Variants in ENTREP2 observed in about 807,000 individuals in gnomAD.
ENTREP2 encodes protein ENTREP2.
At chr15:29,616,822 C>T in the ENTREP2 span, among the ~76,000 whole-genome samples, 1 of 152,136 alleles carries the variant, frequency 6.6e-6, no homozygotes, top group Non-Finnish European at 1.5e-5. Flanking sequence ...CACCTGTAAA[C>T]CCAGCACTTT....
At chr15:29,406,829 TCTC>T in the ENTREP2 span, among the ~76,000 whole-genome samples, 1 of 152,066 alleles carries the variant, frequency 6.6e-6, no homozygotes, top group Non-Finnish European at 1.5e-5. Flanking sequence ...TCGCTCTCCC[TCTC>T]CTCCTCACTT....
At chr15:29,155,097 A>G in the ENTREP2 span, among the ~76,000 whole-genome samples, 1 of 150,106 alleles carries the variant, frequency 6.7e-6, no homozygotes, top group Non-Finnish European at 1.5e-5. Flanking sequence ...CCTGGCTAAC[A>G]CGGTGAAACC....
the ENTREP2 span, among the ~76,000 whole-genome samples, chr15:29,548,096 G>C: frequency 6.6e-6 from 1 of 152,078 alleles, no homozygotes; most frequent in East Asian, 1.9e-4. Flanking sequence ...TTCTCAAGAT[G>C]AAAAAGTTCT....
At chr15:29,656,594 G>A in the ENTREP2 span, among the ~76,000 whole-genome samples, 1 of 152,178 alleles carries the variant, frequency 6.6e-6, no homozygotes, top group African/African-American at 2.4e-5. Flanking sequence ...CAAATGGAAA[G>A]ATGCTCAACA....
the ENTREP2 span, among the ~76,000 whole-genome samples, chr15:29,505,379 T>G: frequency 1.3e-5 from 2 of 152,180 alleles, no homozygotes; most frequent in East Asian, 3.9e-4. This position sits in a 1 kb window ranked among gnomAD's most constrained non-coding sequence, Gnocchi z 4.3. Context: ...CAGCAGTGGA[T>G]CTCTCAGCAC....
At chr15:29,603,212 T>C in the ENTREP2 span, among the ~76,000 whole-genome samples, 1 of 152,058 alleles carries the variant, frequency 6.6e-6, no homozygotes, top group African/African-American at 2.4e-5. Context: ...GCAAGGGAGA[T>C]GGGAACAAAG....
chr15:29,159,973 G>A, the ENTREP2 span, among the ~76,000 whole-genome samples: 1 of 152,268 alleles, frequency 6.6e-6, no homozygotes, highest in Admixed American at 6.5e-5. Context: ...TGGAGCAGGA[G>A]GCGGCGCTCG....
chr15:29,428,339 G>A, the ENTREP2 span, among the ~76,000 whole-genome samples: 4 of 152,016 alleles, frequency 2.6e-5, no homozygotes, highest in South Asian at 2.1e-4. Context: ...TCAGCCTCCC[G>A]AGTAGCTGTT....
At chr15:29,646,568 T>C in the ENTREP2 span, among the ~76,000 whole-genome samples, 8 of 152,160 alleles carry the variant, frequency 5.3e-5, no homozygotes, top group African/African-American at 1.7e-4. Flanking sequence ...TCTTCTCCCA[T>C]CAGCTGGGGA....
the ENTREP2 span, among the ~76,000 whole-genome samples, chr15:29,450,701 CACTG>C: frequency 6.6e-6 from 1 of 152,166 alleles, no homozygotes; most frequent in African/African-American, 2.4e-5. Flanking sequence ...ATAGCAAAGA[CACTG>C]AATCAACCTA....
the ENTREP2 span, among the ~76,000 whole-genome samples, chr15:29,345,103 A>G: frequency 6.6e-6 from 1 of 152,120 alleles, no homozygotes; most frequent in Non-Finnish European, 1.5e-5. Context: ...TCCGAACGCA[A>G]TGATGACCAC....
chr15:29,427,281 C>T, the ENTREP2 span, among the ~76,000 whole-genome samples: 3 of 152,232 alleles, frequency 2.0e-5, no homozygotes, highest in South Asian at 2.1e-4. Flanking sequence ...ACTGTTCATA[C>T]GAATCATGGA....
the ENTREP2 span, among the ~76,000 whole-genome samples, chr15:29,367,712 G>A: frequency 6.6e-6 from 1 of 152,144 alleles, no homozygotes; most frequent in African/African-American, 2.4e-5. Context: ...GAGTCACACA[G>A]ACCCCCTTGT....
the ENTREP2 span, among the ~76,000 whole-genome samples, chr15:29,465,728 G>A: frequency 3.3e-5 from 5 of 152,074 alleles, no homozygotes; most frequent in Admixed American, 2.6e-4. Context: ...TAGTTCTTTG[G>A]GATGACAGTT....
chr15:29,492,728 G>A, the ENTREP2 span, among the ~76,000 whole-genome samples: 2 of 152,152 alleles, frequency 1.3e-5, no homozygotes, highest in African/African-American at 4.8e-5. Flanking sequence ...TTGAGGCTGG[G>A]CACGGTGGCT....
the ENTREP2 span, chr15:29,269,790 T>C: frequency 2.9e-5 from 37 of 1,273,154 alleles, no homozygotes; most frequent in Non-Finnish European, 3.8e-5. Flanking sequence ...CTAACGCCGG[T>C]GCCTGGAGGC....
At chr15:29,447,988 C>T in the ENTREP2 span, among the ~76,000 whole-genome samples, 1 of 152,032 alleles carries the variant, frequency 6.6e-6, no homozygotes, top group Non-Finnish European at 1.5e-5. Flanking sequence ...ATCACTTGAA[C>T]CCGGGACGTG....
At chr15:29,440,945 T>C in the ENTREP2 span, among the ~76,000 whole-genome samples, 1 of 152,116 alleles carries the variant, frequency 6.6e-6, no homozygotes, top group African/African-American at 2.4e-5. Flanking sequence ...AGAATGACCA[T>C]ATGATCCAGC....
chr15:29,666,394 C>A, the ENTREP2 span, among the ~76,000 whole-genome samples: 3 of 151,896 alleles, frequency 2.0e-5, no homozygotes, highest in Non-Finnish European at 4.4e-5. Context: ...CCAAATCCAC[C>A]CTCATTACAC....
Sources: gnomAD v4.1 joint callset for allele counts (sites outside exome capture counted in the v4.1 genomes callset) on GRCh38, gnomAD v4.1.1 for gene constraint, Gnocchi (gnomAD v3.1) non-coding constraint, MANE v1.5 for transcripts, NCBI Gene and HGNC (gene_info 2026-07-23, HGNC 2026-07-21) for gene names.